RAP1GAP2: variants seen among roughly 807,000 people sequenced by gnomAD.
RAP1GAP2 encodes the protein rap1 GTPase-activating protein 2.
Under a neutral mutation model 95.0 loss-of-function variants are expected in RAP1GAP2, and 27 were observed. That is an observed-to-expected ratio of 0.28 (90% CI 0.21 to 0.39). RAP1GAP2 has a LOEUF of 0.39. RAP1GAP2 is among the 10% of genes least tolerant of loss of function. RAP1GAP2 has a pLI of 1.00. For synonymous variants in RAP1GAP2, 373 were observed against 380.9 expected, an observed-to-expected ratio of 0.98 and a Z score of 0.24; for missense variants, 771 against 970.0, an observed-to-expected ratio of 0.79 and a Z score of 2.72.
intron 3 of RAP1GAP2, among the ~76,000 whole-genome samples, chr17:2,935,324 A>G (rs1052625604): frequency 1.3e-5 from 2 of 152,178 alleles, no homozygotes; most frequent in African/African-American, 4.8e-5. Context: ...ACTGACCAAC[A>G]TGGTGAAACC....
rs891984333 is a variant in RAP1GAP2, at chr17:2,885,028, CTTTTTTT to C, written c.81-20239_81-20233del. ...ATAGGCACATTTCTTTTATTTCTTT[CTTTTTTT>C]TTTTTTTTTTTTTTTTGAGATGGAG... On this transcript the variant is annotated intron_variant, in intron 2 of 24. Transcript: ENST00000254695. 6.2e-4 allele frequency among the ~76,000 whole-genome samples: 70 copies of C among 112,496 alleles called. 1 individual carries two copies. Among genetic ancestry groups the C allele is most frequent in the South Asian group, 2.5e-3 (9 of 3,580 alleles). 73.8% of individuals were successfully genotyped at this position (112,496 alleles called of 152,430 possible). A position where few individuals can be genotyped will look rare whatever the true frequency, so the allele number is the denominator to read the frequency against.
At chr17:2,976,270 A>C (rs757501518) in intron 8 of RAP1GAP2, among the ~76,000 whole-genome samples, 3 of 152,228 alleles carry the variant, frequency 2.0e-5, no homozygotes, top group Admixed American at 6.5e-5. Context: ...TAGCAAAAGA[A>C]AAAAATACAT....
chr17:2,963,343 T>G lies in RAP1GAP2; in HGVS notation c.247-87T>G. On this transcript the variant is annotated intron_variant, in intron 5 of 24. Coordinates refer to ENST00000254695, the MANE Select transcript of RAP1GAP2 (RefSeq NM_015085.5). The surrounding 1 kb of genome is among the most constrained non-coding windows in gnomAD (Gnocchi z 4.8). Reference sequence around the variant, plus strand: ...CCTCCCTCAAAGCCCCCCCACAACATATCCCCCTTGCAAGACCTGGAAACA... The same window carrying G: ...CCTCCCTCAAAGCCCCCCCACAACAGATCCCCCTTGCAAGACCTGGAAACA... 3.4e-5 allele frequency: 41 copies of G among 1,222,316 alleles called. No individual in the cohort carries two copies. The highest frequency in any genetic ancestry group is 4.2e-5 in the Non-Finnish European group (36 of 850,566). 75.7% of individuals were successfully genotyped at this position (1,222,316 alleles called of 1,614,324 possible).
At position 2,904,223 on chromosome 17, in the gene RAP1GAP2, C is replaced by A. The variant is rs531542094; in HGVS notation, c.81-1061C>A. On this transcript the variant is annotated intron_variant, in intron 2 of 24. Coordinates refer to ENST00000254695, the MANE Select transcript of RAP1GAP2 (RefSeq NM_015085.5). This position sits in a 1 kb window ranked among gnomAD's most constrained non-coding sequence, Gnocchi z 4.7. ...TTGTTCAGGACACTGGAGTCCCTCA[C>A]CCGGGAATTCCCCAGGCTCTGCCCA... Among the ~76,000 whole-genome samples, 2 of 152,118 alleles carry A rather than the reference C, an allele frequency of 1.3e-5. No homozygotes were observed. Among genetic ancestry groups the A allele is most frequent in the African/African-American group, 2.4e-5 (1 of 41,402 alleles).
intron 4 of RAP1GAP2, 196 bp from the exon 5 acceptor site, chr17:2,962,474 G>T: frequency 1.8e-6 from 1 of 565,838 alleles, no homozygotes; most frequent in Non-Finnish European, 3.0e-6. Flanking sequence ...TATGCTGTTA[G>T]CCCAGCGGCG....
chr17:2,809,368 G>C (rs1347888590), intron 2 of RAP1GAP2, among the ~76,000 whole-genome samples: 2 of 152,262 alleles, frequency 1.3e-5, no homozygotes, highest in African/African-American at 4.8e-5. Flanking sequence ...CATGTGGCTG[G>C]TGGAGTGGCA....
intron 2 of RAP1GAP2, among the ~76,000 whole-genome samples, chr17:2,844,278 C>T (rs899305129): frequency 6.6e-6 from 1 of 152,176 alleles, no homozygotes; most frequent in Admixed American, 6.5e-5. Context: ...CCTCGGCCTC[C>T]CAAAGTGCTG....
chr17:2,887,686 T>G (rs577005448), intron 2 of RAP1GAP2, among the ~76,000 whole-genome samples: 13 of 150,828 alleles, frequency 8.6e-5, no homozygotes, highest in East Asian at 3.9e-4. Flanking sequence ...TTTTGTTTTT[T>G]TTTTTTGAAA....
intron 3 of RAP1GAP2, among the ~76,000 whole-genome samples, chr17:2,915,708 A>AT (rs537813556): frequency 5.3e-5 from 8 of 149,992 alleles, no homozygotes; most frequent in African/African-American, 1.5e-4. Context: ...ATTTTTATTT[A>AT]TTTTTTTTGA....
intron 3 of RAP1GAP2, among the ~76,000 whole-genome samples, chr17:2,944,841 C>T (rs531773444): frequency 2.6e-5 from 4 of 152,152 alleles, no homozygotes; most frequent in East Asian, 3.9e-4. Flanking sequence ...GCCAGCCACT[C>T]GGTTAAATTT....
chr17:2,940,414 G>A (rs2043451654), intron 3 of RAP1GAP2, among the ~76,000 whole-genome samples: 1 of 152,230 alleles, frequency 6.6e-6, no homozygotes, highest in Admixed American at 6.5e-5. Context: ...GCCGGGGCCC[G>A]AGGGAACCCA....
At chr17:2,834,584 C>T (rs1292360255) in intron 2 of RAP1GAP2, among the ~76,000 whole-genome samples, 1 of 152,082 alleles carries the variant, frequency 6.6e-6, no homozygotes, top group Non-Finnish European at 1.5e-5. Context: ...ATGGCTCGAG[C>T]CCAGGAGTTT....
intron 12 of RAP1GAP2, among the ~76,000 whole-genome samples, chr17:2,992,640 C>G (rs1311317023): frequency 6.6e-6 from 1 of 152,164 alleles, no homozygotes; most frequent in Admixed American, 6.5e-5. Context: ...ATCCCAGCAG[C>G]CAGATTGACA....
chr17:2,992,376 G>A (rs1435307760), intron 12 of RAP1GAP2, among the ~76,000 whole-genome samples: 2 of 151,786 alleles, frequency 1.3e-5, no homozygotes, highest in East Asian at 3.9e-4. Flanking sequence ...TAGCCAGGAT[G>A]GTCTCGATCT....
intron 2 of RAP1GAP2, among the ~76,000 whole-genome samples, chr17:2,836,276 A>G (rs780051306): frequency 1.3e-4 from 20 of 152,104 alleles, no homozygotes; most frequent in Non-Finnish European, 2.9e-4. Flanking sequence ...CTTAAGAAAA[A>G]AAAAAAGAAA....
At chr17:2,890,278 A>G (rs1286140965) in intron 2 of RAP1GAP2, among the ~76,000 whole-genome samples, 2 of 152,222 alleles carry the variant, frequency 1.3e-5, no homozygotes, top group East Asian at 1.9e-4. Flanking sequence ...TAACATTATT[A>G]TAGTAATTGA....
At chr17:2,794,509 A>G (rs373477909), upstream of RAP1GAP2, among the ~76,000 whole-genome samples, 2 of 152,314 alleles carry the variant, frequency 1.3e-5, no homozygotes, top group East Asian at 3.9e-4. Flanking sequence ...ACCCCAGAGC[A>G]TGAACCACAC....
intron 3 of RAP1GAP2, among the ~76,000 whole-genome samples, chr17:2,915,275 G>C (rs1050213856): frequency 6.6e-6 from 1 of 152,040 alleles, no homozygotes; most frequent in East Asian, 1.9e-4. Context: ...TTGTTGCCCA[G>C]GCTGGAGTGC....
Position 2,919,458 on chromosome 17 carries a change from C to G in RAP1GAP2, c.165+14090C>G, listed in dbSNP as rs983763566. On this transcript the variant is annotated intron_variant, in intron 3 of 24. Coordinates refer to ENST00000254695, the MANE Select transcript of RAP1GAP2 (RefSeq NM_015085.5). Reference sequence around the variant, plus strand: ...AGTTTTATGAGCAGTTTGTCCCTATCATAAGTTTCTTTCCTAACTTCTTTT... The same window carrying G: ...AGTTTTATGAGCAGTTTGTCCCTATGATAAGTTTCTTTCCTAACTTCTTTT... Among the ~76,000 whole-genome samples the G allele has an allele frequency of 4.5e-4, 68 of 152,162 alleles. 1 individual carries two copies. Among genetic ancestry groups the G allele is most frequent in the Non-Finnish European group, 8.8e-5 (6 of 68,048 alleles).
Sources: allele counts gnomAD v4.1 joint callset (sites outside exome capture counted in the v4.1 genomes callset), GRCh38; gene constraint gnomAD v4.1.1; non-coding constraint Gnocchi (gnomAD v3.1); transcripts MANE v1.5; gene names NCBI Gene and HGNC (gene_info 2026-07-23, HGNC 2026-07-21).